Variants in DOP1A observed in about 807,000 individuals in gnomAD.
DOP1A encodes the protein protein DOP1A.
DOP1A carries 90 observed loss-of-function variants against 267.6 expected under a neutral mutation model. The observed-to-expected ratio is 0.34, with a 90% CI of 0.28 to 0.40. DOP1A has a LOEUF of 0.40. Among genes scored for constraint, DOP1A ranks in the 10% least tolerant of loss-of-function variants. The probability of loss-of-function intolerance (pLI) is 1.00; values close to 1 mark genes in which losing one functional copy is unlikely to be tolerated. For missense variants in DOP1A, 2,437 were observed against 2,900.4 expected, an observed-to-expected ratio of 0.84 and a Z score of 3.67; for synonymous variants, 932 against 999.1, an observed-to-expected ratio of 0.93 and a Z score of 1.27.
chr6:83,068,150 C>G (rs904721541), intron 1 of DOP1A, among the ~76,000 whole-genome samples: 2 of 152,110 alleles, frequency 1.3e-5, no homozygotes, highest in South Asian at 4.1e-4. Context: ...CGCACCTGTG[C>G]GATGGAGGCG....
intron 3 of DOP1A, among the ~76,000 whole-genome samples, chr6:83,100,306 C>A (rs1340950611): frequency 6.6e-6 from 1 of 151,968 alleles, no homozygotes; most frequent in Non-Finnish European, 1.5e-5. Flanking sequence ...TACTTTGAGG[C>A]CAGACTTTAT....
intron 2 of DOP1A, 37 bp downstream of exon 2, chr6:83,096,860 G>T: frequency 1.7e-6 from 2 of 1,206,618 alleles, no homozygotes; most frequent in South Asian, 1.6e-5. Context: ...TACCTTTGTA[G>T]TAAGATCATA....
chr6:83,093,934 T>A (rs1047994358), intron 1 of DOP1A, among the ~76,000 whole-genome samples: 4 of 152,022 alleles, frequency 2.6e-5, no homozygotes, highest in South Asian at 2.1e-4. Flanking sequence ...AAACAAAAAA[T>A]ATATATATAA....
At chr6:83,160,153 G>A (rs1473887138) in intron 37 of DOP1A, among the ~76,000 whole-genome samples, 193 bp downstream of exon 37, 4 of 152,292 alleles carry the variant, frequency 2.6e-5, no homozygotes, top group Non-Finnish European at 2.9e-5. Flanking sequence ...AGACTATTCA[G>A]TCAACAGATT....
At chr6:83,156,557 G>A (rs1782842031) in intron 34 of DOP1A, among the ~76,000 whole-genome samples, 1 of 152,142 alleles carries the variant, frequency 6.6e-6, no homozygotes, top group Non-Finnish European at 1.5e-5. Context: ...AAGTGGGTTT[G>A]GTGACCTTCT....
At chr6:83,170,225 G>T, downstream of DOP1A, 2 of 1,301,976 alleles carry the variant, frequency 1.5e-6, no homozygotes, top group Non-Finnish European at 2.2e-6. Context: ...ATCATAGTGA[G>T]ATTCTAAAAA....
At chr6:83,147,131 A>AT (rs1323591172) in intron 25 of DOP1A, 105 bp from the exon 26 acceptor site, 6 of 467,802 alleles carry the variant, frequency 1.3e-5, no homozygotes, top group Non-Finnish European at 2.2e-5. Context: ...TGTTCTTTCA[A>AT]TTTTTTTAAT....
chr6:83,095,236 A>G (rs912653213), intron 1 of DOP1A, among the ~76,000 whole-genome samples: 20 of 152,168 alleles, frequency 1.3e-4, no homozygotes, highest in African/African-American at 2.4e-4. Flanking sequence ...CCTGGCTTTC[A>G]GTTTTATTTC....
At chr6:83,106,775 T>C (rs959114652) in intron 4 of DOP1A, among the ~76,000 whole-genome samples, 3 of 150,458 alleles carry the variant, frequency 2.0e-5, no homozygotes, top group Admixed American at 6.7e-5. Context: ...ACCACTACAC[T>C]TCAGCATGGG....
chr6:83,140,309 T>C lies in DOP1A; in HGVS notation c.5321T>C (p.Leu1774Pro). The change falls in exon 23 of 39, where the codon CTG becomes CCG. Residue 1774 changes from leucine (L) to proline (P), a missense_variant. Leu to Pro is a moderately conservative substitution (Grantham distance 98). This residue lies in a region of DOP1A where 307 missense variants were observed against 308.6 expected (regional missense o/e 0.99). Coordinates refer to ENST00000349129, the MANE Select transcript of DOP1A (RefSeq NM_015018.4). The stretch of plus-strand genomic sequence containing the variant: ...CATATGATCATGTCCTCTGTGACAC[T>C]GCTTTGGAGCATACTGCATCAAGCT... Reference protein sequence around the residue: ...ILHMIMSSVTLLWSILHQADS... With the variant: ...ILHMIMSSVTPLWSILHQADS... 1 of 1,613,700 alleles carries C rather than the reference T, an allele frequency of 6.2e-7. No individual in the cohort carries two copies. The highest frequency in any genetic ancestry group is 1.3e-5 in the African/African-American group (1 of 75,064).
intron 17 of DOP1A, among the ~76,000 whole-genome samples, chr6:83,131,001 G>A (rs1230666177): frequency 6.6e-6 from 1 of 151,996 alleles, no homozygotes; most frequent in Non-Finnish European, 1.5e-5. Context: ...GCCTCCCAAA[G>A]TGCTGAGATT....
chr6:83,126,763 C>T (rs1238857947), intron 15 of DOP1A, among the ~76,000 whole-genome samples: 1 of 152,100 alleles, frequency 6.6e-6, no homozygotes, highest in Non-Finnish European at 1.5e-5. Context: ...GTTCACCTTG[C>T]CTGCTGCCTA....
chr6:83,139,937 A>T, intron 21 of DOP1A, 63 bp from the exon 22 acceptor site: 1 of 1,071,512 alleles, frequency 9.3e-7, no homozygotes, highest in Non-Finnish European at 1.4e-6. Context: ...AGTATTTACT[A>T]GTGATAAAAT....
intron 1 of DOP1A, among the ~76,000 whole-genome samples, chr6:83,087,914 C>T (rs1032979512): frequency 4.6e-5 from 7 of 151,972 alleles, no homozygotes; most frequent in Non-Finnish European, 5.9e-5. Context: ...CTTTGTTGCC[C>T]GGGCTGGAGT....
In DOP1A at chr6:83,119,895, A is replaced by G. The variant is rs990029246; in HGVS notation, c.990+38A>G. On this transcript the variant is annotated intron_variant, in intron 9 of 38. Transcript: ENST00000349129. ...TTTATTATTCTTTGGTTACTTACTG[A>G]CCACTAGAGGTAGTGAAAAAGTGTA... 2.6e-6 allele frequency: 4 copies of G among 1,527,550 alleles called. No homozygotes were observed. The African/African-American group carries it at 5.5e-5, about 21-fold the overall frequency. 94.6% of individuals were successfully genotyped at this position (1,527,550 alleles called of 1,614,324 possible).
At chr6:83,074,776 G>A (rs1177746391) in intron 1 of DOP1A, among the ~76,000 whole-genome samples, 1 of 152,218 alleles carries the variant, frequency 6.6e-6, no homozygotes, top group South Asian at 2.1e-4. Context: ...CAGTGGTTAA[G>A]ATAGTAAATT....
intron 24 of DOP1A, among the ~76,000 whole-genome samples, chr6:83,144,820 A>G (rs918739791): frequency 1.3e-5 from 2 of 151,984 alleles, no homozygotes; most frequent in Non-Finnish European, 2.9e-5. Flanking sequence ...GGGATATAGG[A>G]CAATACTATT....
chr6:83,100,763 G>A lies in DOP1A; in HGVS notation c.197G>A (p.Arg66His), dbSNP rs771240032. The change falls in exon 4 of 39, where the codon CGC becomes CAC. Residue 66 changes from arginine (R) to histidine (H), a missense_variant. This residue lies in a region of DOP1A where 251 missense variants were observed against 359.1 expected (regional missense o/e 0.70). Coordinates refer to ENST00000349129, the MANE Select transcript of DOP1A (RefSeq NM_015018.4). ...VVPKKLTIGK[R>H]LAQCLHPALP... ...CCCAAAAAGCTGACCATAGGCAAAC[G>A]CCTAGCTCAATGTCTACATCCAGCA... 1.3e-6 allele frequency: 2 copies of A among 1,583,598 alleles called. No homozygotes were observed. Among genetic ancestry groups the A allele is most frequent in the Admixed American group, 1.7e-5 (1 of 57,862 alleles).
chr6:83,113,212 T>C (rs1774859898), intron 6 of DOP1A, 111 bp from the exon 7 acceptor site: 2 of 675,466 alleles, frequency 3.0e-6, no homozygotes, highest in East Asian at 5.5e-5. Flanking sequence ...CTTTAATTAT[T>C]GATTAGATCC....
Sources: allele counts gnomAD v4.1 joint callset (sites outside exome capture counted in the v4.1 genomes callset), GRCh38; gene constraint gnomAD v4.1.1; regional missense constraint gnomAD v4.1.1; transcripts MANE v1.5; gene names NCBI Gene and HGNC (gene_info 2026-07-23, HGNC 2026-07-21).